Variants in CDKAL1 observed in about 807,000 individuals in gnomAD.
The protein encoded by CDKAL1 is threonylcarbamoyladenosine tRNA methylthiotransferase.
CDKAL1 carries 32 observed loss-of-function variants against 68.2 expected under a neutral mutation model. That is an observed-to-expected ratio of 0.47 (90% CI 0.35 to 0.63). The LOEUF (loss-of-function observed/expected upper bound fraction) is 0.63. CDKAL1 is among the 30% of genes least tolerant of loss of function. CDKAL1 has a pLI of 0.00. For missense variants in CDKAL1, 606 were observed against 696.7 expected (o/e 0.87, Z 1.47); for synonymous variants, 234 against 244.3 (o/e 0.96, Z 0.39).
intron 9 of CDKAL1, among the ~76,000 whole-genome samples, chr6:20,882,496 G>T (rs181799982): frequency 6.6e-6 from 1 of 152,104 alleles, no homozygotes; most frequent in Non-Finnish European, 1.5e-5. Context: ...CTAATTTACA[G>T]GGCCCAGCCA....
intron 7 of CDKAL1, among the ~76,000 whole-genome samples, chr6:20,774,894 T>G (rs1424347738): frequency 1.3e-5 from 2 of 152,208 alleles, no homozygotes; most frequent in African/African-American, 4.8e-5. Context: ...GGCTTAAAAT[T>G]GAATTTGGTT....
At chr6:21,074,889 G>A (rs1771978349) in intron 12 of CDKAL1, among the ~76,000 whole-genome samples, 2 of 151,740 alleles carry the variant, frequency 1.3e-5, no homozygotes, top group South Asian at 2.1e-4. Flanking sequence ...TGAAGTCTGA[G>A]GTTTTAGTGC....
In CDKAL1 at chr6:21,002,168, C is replaced by T. The variant is rs115439689; in HGVS notation, c.1055+1796C>T. Among the ~76,000 whole-genome samples, 864 of 152,226 alleles carry T rather than the reference C, an allele frequency of 5.7e-3. 8 individuals carry two copies. Among genetic ancestry groups the T allele is most frequent in the African/African-American group, 0.019 (789 of 41,520 alleles). On this transcript the variant is annotated intron_variant, in intron 11 of 15. Transcript: ENST00000274695. ...AGCTATATAGAGGTAAAAAGATGAT[C>T]ATGTCAGGTATTAGGAAATAGTCTC...
At chr6:21,002,452 G>A (rs1390735885) in intron 11 of CDKAL1, among the ~76,000 whole-genome samples, 1 of 152,118 alleles carries the variant, frequency 6.6e-6, no homozygotes, top group Admixed American at 6.6e-5. Flanking sequence ...AGATTGTAGA[G>A]TATGAGTCTA....
chr6:21,107,403 CTCTTTCTTTTT>C (rs1773902841), intron 12 of CDKAL1, among the ~76,000 whole-genome samples: 1 of 151,970 alleles, frequency 6.6e-6, no homozygotes, highest in African/African-American at 2.4e-5. Context: ...AAAGAGCGTT[CTCTTTCTTTTT>C]TCTTTCTTTC....
chr6:21,099,877 G>A (rs1034005455), intron 12 of CDKAL1, among the ~76,000 whole-genome samples: 9 of 152,218 alleles, frequency 5.9e-5, no homozygotes, highest in Non-Finnish European at 1.2e-4. Flanking sequence ...CTGCAAATTA[G>A]TTAAGTCTCT....
chr6:20,742,975 A>C (rs1249324044), intron 6 of CDKAL1, among the ~76,000 whole-genome samples: 5 of 152,162 alleles, frequency 3.3e-5, no homozygotes, highest in Non-Finnish European at 7.4e-5. Flanking sequence ...TTTTACCTTT[A>C]GAGAGACCTA....
At position 20,732,566 on chromosome 6, in the gene CDKAL1, C is replaced by T. The variant is rs151179536; in HGVS notation, c.372-6953C>T. ...CCTCCCAAAGTGCTAGGATTACAGG[C>T]GTGAGCCACTATGCCTGGCTGACAA... On this transcript the variant is annotated intron_variant, in intron 5 of 15. Transcript: ENST00000274695. 8.2e-3 allele frequency among the ~76,000 whole-genome samples: 1,247 copies of T among 151,946 alleles called. 15 individuals carry two copies. Among genetic ancestry groups the T allele is most frequent in the Non-Finnish European group, 0.013 (876 of 67,982 alleles).
intron 4 of CDKAL1, among the ~76,000 whole-genome samples, chr6:20,556,853 C>T (rs542924511): frequency 1.5e-4 from 23 of 151,840 alleles, no homozygotes; most frequent in African/African-American, 4.6e-4. Flanking sequence ...CTGGCTAACA[C>T]GGTGAAATCC....
intron 4 of CDKAL1, among the ~76,000 whole-genome samples, chr6:20,555,968 G>C (rs71563967): frequency 6.6e-6 from 1 of 150,466 alleles, no homozygotes; most frequent in Non-Finnish European, 1.5e-5. Context: ...AGCCTTTCTC[G>C]TTTTTTTTTG....
chr6:20,657,517 C>T (rs568075299), intron 5 of CDKAL1, among the ~76,000 whole-genome samples: 2 of 152,232 alleles, frequency 1.3e-5, no homozygotes, highest in South Asian at 4.2e-4. Context: ...TTAAATTATG[C>T]ATCACATCAT....
chr6:21,032,012 C>G (rs1424492888), intron 11 of CDKAL1, among the ~76,000 whole-genome samples: 1 of 152,074 alleles, frequency 6.6e-6, no homozygotes, highest in African/African-American at 2.4e-5. Context: ...ACACAGTATC[C>G]ATGCCATTTC....
intron 10 of CDKAL1, 79 bp from the exon 11 acceptor site, chr6:21,000,148 C>T (rs192542911): frequency 1.3e-4 from 146 of 1,088,834 alleles, no homozygotes; most frequent in East Asian, 2.6e-4. Flanking sequence ...TATTTGCTTG[C>T]GCTTGTGGTG....
chr6:20,867,807 C>T (rs1759987469), intron 9 of CDKAL1, among the ~76,000 whole-genome samples: 2 of 152,122 alleles, frequency 1.3e-5, no homozygotes. Context: ...TTCCCCTATC[C>T]CTAACCCAAA....
chr6:20,785,315 T>C (rs1775621492), intron 8 of CDKAL1, among the ~76,000 whole-genome samples: 1 of 3,974 alleles, frequency 2.5e-4, no homozygotes, highest in Admixed American at 2.8e-3. Context: ...TTTCTTTTTC[T>C]TTTTTTTTTT....
At chr6:21,043,910 C>T (rs1241096597) in intron 11 of CDKAL1, among the ~76,000 whole-genome samples, 2 of 152,016 alleles carry the variant, frequency 1.3e-5, no homozygotes, top group African/African-American at 2.4e-5. Flanking sequence ...CCCCAGTTTT[C>T]TTCATTTGCT....
In CDKAL1 at chr6:21,216,793, A is replaced by G. The variant is rs143722021; in HGVS notation, c.1549-14055A>G. Reference sequence around the variant, plus strand: ...TCCCCAACCCTCATCTCCAGCCCAAATCTTGCTAGAGCTTCTAACTTACAT... The same window carrying G: ...TCCCCAACCCTCATCTCCAGCCCAAGTCTTGCTAGAGCTTCTAACTTACAT... On this transcript the variant is annotated intron_variant, in intron 15 of 15. Transcript: ENST00000274695. Among the ~76,000 whole-genome samples the G allele has an allele frequency of 5.9e-4, 90 of 152,202 alleles. 1 individual carries two copies. The highest frequency in any genetic ancestry group is 2.0e-3 in the African/African-American group (84 of 41,530).
At chr6:20,590,358 A>T (rs902991671) in intron 4 of CDKAL1, among the ~76,000 whole-genome samples, 4 of 151,904 alleles carry the variant, frequency 2.6e-5, no homozygotes, top group Admixed American at 6.6e-5. Flanking sequence ...TTTATTTTTT[A>T]TTTATTTTAT....
At chr6:20,870,453 T>G (rs1264457819) in intron 9 of CDKAL1, among the ~76,000 whole-genome samples, 1 of 152,232 alleles carries the variant, frequency 6.6e-6, no homozygotes, top group Non-Finnish European at 1.5e-5. Context: ...CAAGAGTTGG[T>G]TGAAAACTCC....
Sources: allele counts gnomAD v4.1 joint callset (sites outside exome capture counted in the v4.1 genomes callset), GRCh38; gene constraint gnomAD v4.1.1; transcripts MANE v1.5; gene names NCBI Gene and HGNC (gene_info 2026-07-23, HGNC 2026-07-21).